The following LRP6 variants were observed in gnomAD, a reference collection of about 807,000 sequenced individuals.
LRP6 encodes the protein low-density lipoprotein receptor-related protein 6.
LRP6 carries 43 observed loss-of-function variants against 184.1 expected under a neutral mutation model. The observed-to-expected ratio is 0.23, with a 90% confidence interval of 0.18 to 0.30. LRP6 has a LOEUF of 0.30. Ranked by LOEUF, LRP6 falls within the 10% of genes least tolerant of loss-of-function variation. LRP6 has a pLI of 1.00. For missense variants in LRP6, 1,571 were observed against 2,005.3 expected, an observed-to-expected ratio of 0.78 and a Z score of 4.14; for synonymous variants, 719 against 684.9, an observed-to-expected ratio of 1.05 and a Z score of -0.78.
intron 7 of LRP6, among the ~76,000 whole-genome samples, chr12:12,167,220 TC>T (rs1290843117): frequency 9.2e-5 from 14 of 152,350 alleles, no homozygotes; most frequent in African/African-American, 3.1e-4. Context: ...TTTACCAGTT[TC>T]CCTTCATTCT....
chr12:12,219,349 G>A (rs550774370), intron 2 of LRP6, among the ~76,000 whole-genome samples: 27 of 152,226 alleles, frequency 1.8e-4, no homozygotes, highest in African/African-American at 3.1e-4. Context: ...GGGACTATAG[G>A]TGCCCGCCAC....
At chr12:12,233,010 T>G (rs757963311) in intron 2 of LRP6, among the ~76,000 whole-genome samples, 20 of 152,186 alleles carry the variant, frequency 1.3e-4, no homozygotes, top group Admixed American at 2.0e-4. Flanking sequence ...TTAGCAACAC[T>G]ACAATATAGG....
In LRP6 at chr12:12,248,881, T is replaced by C. The variant is rs936278824; in HGVS notation, c.56-4226A>G. ...TCATACAATACTACCTATTTTTTCT[T>C]GTCTTGTTTCAAACCTTCCACTTCC... On this transcript the variant is annotated intron_variant, in intron 1 of 22. Transcript: ENST00000261349. The C allele has an allele frequency of 2.2e-5, 7 of 312,656 alleles. No individual in the cohort carries two copies. In the Admixed American group the frequency reaches 2.7e-4, roughly 12 times the overall value. 19.4% of individuals were successfully genotyped at this position (312,656 alleles called of 1,614,324 possible).
At chr12:12,129,416 C>G (rs974570292) in intron 19 of LRP6, among the ~76,000 whole-genome samples, 1 of 152,192 alleles carries the variant, frequency 6.6e-6, no homozygotes, top group Admixed American at 6.5e-5. Flanking sequence ...TGTATTTTGG[C>G]AGTCCCATTA....
At chr12:12,214,450 T>G (rs1319470186) in intron 2 of LRP6, among the ~76,000 whole-genome samples, 1 of 152,200 alleles carries the variant, frequency 6.6e-6, no homozygotes, top group Non-Finnish European at 1.5e-5. Context: ...TCTTCAGATA[T>G]CTCATAAATC....
intron 2 of LRP6, among the ~76,000 whole-genome samples, chr12:12,215,489 G>C (rs1045973374): frequency 6.6e-6 from 1 of 151,570 alleles, no homozygotes; most frequent in Admixed American, 6.6e-5. Flanking sequence ...GCAATAGCGC[G>C]ATCTCGGCTC....
chr12:12,123,060 A>C (rs1949625379), intron 22 of LRP6, among the ~76,000 whole-genome samples: 1 of 152,052 alleles, frequency 6.6e-6, no homozygotes, highest in Admixed American at 6.5e-5. Context: ...AAAAGAAAAC[A>C]AACTGAATTA....
intron 7 of LRP6, among the ~76,000 whole-genome samples, chr12:12,169,734 C>T (rs942225840): frequency 2.6e-5 from 4 of 152,294 alleles, no homozygotes; most frequent in South Asian, 4.2e-4. Flanking sequence ...ATTCCTTGTT[C>T]TCTCACTCGA....
intron 2 of LRP6, among the ~76,000 whole-genome samples, chr12:12,235,964 G>A (rs1275570289): frequency 1.3e-5 from 2 of 152,078 alleles, no homozygotes; most frequent in East Asian, 1.9e-4. Context: ...GGTGGCTCAC[G>A]CCTGTAATCC....
intron 2 of LRP6, among the ~76,000 whole-genome samples, chr12:12,210,235 C>T (rs1408106734): frequency 6.6e-6 from 1 of 152,052 alleles, no homozygotes; most frequent in Non-Finnish European, 1.5e-5. Flanking sequence ...CTAATGAAGG[C>T]AACAGAAGTT....
At chr12:12,145,192 T>C (rs1040054299) in intron 15 of LRP6, among the ~76,000 whole-genome samples, 4 of 151,590 alleles carry the variant, frequency 2.6e-5, no homozygotes, top group South Asian at 2.1e-4. Flanking sequence ...AGAGGTGATA[T>C]AAGAGACAGA....
chr12:12,167,512 G>A (rs1377743387), intron 7 of LRP6, among the ~76,000 whole-genome samples: 2 of 151,844 alleles, frequency 1.3e-5, no homozygotes, highest in Admixed American at 6.6e-5. Context: ...GCGTGGTGGC[G>A]CACACCTGTA....
At chr12:12,242,775 T>C (rs958337395) in intron 2 of LRP6, among the ~76,000 whole-genome samples, 1 of 152,182 alleles carries the variant, frequency 6.6e-6, no homozygotes, top group African/African-American at 2.4e-5. Context: ...AAAATACATA[T>C]TTGTATTTCC....
chr12:12,225,871 C>CA lies in LRP6; in HGVS notation c.449+18390dup, dbSNP rs748835751. On this transcript the variant is annotated intron_variant, in intron 2 of 22. Coordinates refer to ENST00000261349, the MANE Select transcript of LRP6 (RefSeq NM_002336.3). ...TAGGCGACAGAGAAAGACTGTGTCT[C>CA]AAAAAAAAAAAAAAAGAGAGAGACC... is the stretch of plus-strand genomic sequence containing the variant. 8.7e-3 allele frequency among the ~76,000 whole-genome samples: 1,023 copies of CA among 116,984 alleles called. 8 individuals carry two copies. Among genetic ancestry groups the CA allele is most frequent in the African/African-American group, 0.022 (696 of 31,494 alleles). The allele number at this position is 116,984 out of a possible 152,430, so 76.7% of individuals were successfully genotyped here.
rs1424112804 is a variant in LRP6, at chr12:12,116,240, C to G, written c.*4886G>C. The G allele has an allele frequency of 6.6e-6, 1 of 152,116 alleles. No individual in the cohort carries two copies. Among genetic ancestry groups the G allele is most frequent in the African/African-American group, 2.4e-5 (1 of 41,410 alleles). 9.4% of individuals were successfully genotyped at this position (152,116 alleles called of 1,614,324 possible). ...TAAATACATCCTTGCAAAGCACCAT[C>G]GTACCAAAGTCAATGAACAAGAAAC... On this transcript the variant is annotated 3_prime_UTR_variant, in exon 23 of 23. Coordinates refer to ENST00000261349, the MANE Select transcript of LRP6 (RefSeq NM_002336.3).
chr12:12,219,064 C>T (rs952937745), intron 2 of LRP6, among the ~76,000 whole-genome samples: 3 of 133,556 alleles, frequency 2.2e-5, no homozygotes, highest in African/African-American at 8.4e-5. Context: ...ATGGTGAAAT[C>T]GCACCGAGAT....
rs1949552749 is a variant in LRP6, at chr12:12,118,755, T to G, written c.*2371A>C. ...TACCCCAGAAAGAGAACACTGAGAT[T>G]AGGCTGAACTGCCTTCAAATAATTT... On this transcript the variant is annotated 3_prime_UTR_variant, in exon 23 of 23. Coordinates refer to ENST00000261349, the MANE Select transcript of LRP6 (RefSeq NM_002336.3). 6.6e-6 allele frequency: 1 copy of G among 152,246 alleles called. No homozygotes were observed. Among genetic ancestry groups the G allele is most frequent in the Non-Finnish European group, 1.5e-5 (1 of 68,038 alleles). 9.4% of individuals were successfully genotyped at this position (152,246 alleles called of 1,614,324 possible). A position where few individuals can be genotyped will look rare whatever the true frequency, so the allele number is the denominator to read the frequency against.
intron 15 of LRP6, among the ~76,000 whole-genome samples, chr12:12,140,267 G>A (rs1949910432): frequency 6.6e-6 from 1 of 151,194 alleles, no homozygotes; most frequent in Admixed American, 6.6e-5. Context: ...ACAAAAAAGA[G>A]CCCTTGGAAA....
rs1337753717 is a variant in LRP6, at chr12:12,118,146, G to A, written c.*2980C>T. The stretch of plus-strand genomic sequence containing the variant: ...ATATGCTGTAAGAGTGGCAGAAAGT[G>A]CCAAAGGCATAATAAAATTTCATGG... On this transcript the variant is annotated 3_prime_UTR_variant, in exon 23 of 23. Transcript: ENST00000261349. 1 of 152,178 alleles carries A rather than the reference G, an allele frequency of 6.6e-6. No homozygotes were observed. Among genetic ancestry groups the A allele is most frequent in the Non-Finnish European group, 1.5e-5 (1 of 68,016 alleles). 9.4% of individuals were successfully genotyped at this position (152,178 alleles called of 1,614,324 possible). A position where few individuals can be genotyped will look rare whatever the true frequency, so the allele number is the denominator to read the frequency against.
Sources: allele counts gnomAD v4.1 joint callset (sites outside exome capture counted in the v4.1 genomes callset), GRCh38; gene constraint gnomAD v4.1.1; transcripts MANE v1.5; gene names NCBI Gene and HGNC (gene_info 2026-07-23, HGNC 2026-07-21).